The following MAST4 variants were observed in gnomAD, a reference collection of about 807,000 sequenced individuals.
MAST4 encodes the protein microtubule-associated serine/threonine-protein kinase 4.
MAST4 carries 89 observed loss-of-function variants against 162.7 expected under a neutral mutation model. The ratio of observed to expected loss-of-function variants is 0.55; its 90% confidence interval spans 0.46 to 0.65. MAST4 has a LOEUF of 0.65. MAST4 is among the 30% of genes least tolerant of loss of function. The pLI, the probability that MAST4 is intolerant of heterozygous loss-of-function variation, is 0.00. For missense variants in MAST4, 3,153 were observed against 3,374.0 expected, an observed-to-expected ratio of 0.93 and a Z score of 1.62; for synonymous variants, 1,479 against 1,361.1, an observed-to-expected ratio of 1.09 and a Z score of -1.91.
chr5:67,141,470 A>G (rs1243954076), intron 19 of MAST4, among the ~76,000 whole-genome samples: 1 of 152,114 alleles, frequency 6.6e-6, no homozygotes, highest in East Asian at 1.9e-4. Context: ...TGAATTGAAA[A>G]CATTTCACTG....
At chr5:66,850,844 A>G (rs1026830069) in intron 3 of MAST4, among the ~76,000 whole-genome samples, 3 of 151,880 alleles carry the variant, frequency 2.0e-5, no homozygotes, top group Non-Finnish European at 2.9e-5. Context: ...TCCATTTCAG[A>G]GTGTTCATTA....
At chr5:66,818,441 AC>A (rs1756833961) in intron 3 of MAST4, among the ~76,000 whole-genome samples, 1 of 151,896 alleles carries the variant, frequency 6.6e-6, no homozygotes, top group African/African-American at 2.4e-5. Flanking sequence ...AAAAAAAAAA[AC>A]AGAACAGATT....
At chr5:66,819,394 T>C (rs925919178) in intron 3 of MAST4, among the ~76,000 whole-genome samples, 1 of 152,202 alleles carries the variant, frequency 6.6e-6, no homozygotes, top group Non-Finnish European at 1.5e-5. Context: ...GTGAAGCTTG[T>C]GGTCAAAATC....
At chr5:67,138,248 A>C (rs1398299633) in intron 19 of MAST4, among the ~76,000 whole-genome samples, 3 of 152,210 alleles carry the variant, frequency 2.0e-5, no homozygotes, top group African/African-American at 7.2e-5. Flanking sequence ...ATTCTGCTGG[A>C]TGGCTTTTTA....
At chr5:66,747,852 A>G (rs1752864097) in intron 1 of MAST4, among the ~76,000 whole-genome samples, 1 of 152,200 alleles carries the variant, frequency 6.6e-6, no homozygotes, top group South Asian at 2.1e-4. Flanking sequence ...AGTTGTGACA[A>G]CCAAAAATGG....
chr5:66,753,070 G>T (rs1391740617), intron 1 of MAST4, among the ~76,000 whole-genome samples: 44 of 151,004 alleles, frequency 2.9e-4, no homozygotes, highest in East Asian at 9.7e-4. Context: ...ATAACGAAAT[G>T]AAGGCAGAAA....
intron 5 of MAST4, among the ~76,000 whole-genome samples, chr5:67,074,493 A>G (rs1008018159): frequency 1.3e-5 from 2 of 152,184 alleles, no homozygotes; most frequent in Non-Finnish European, 2.9e-5. Context: ...ATATTTTAGG[A>G]TGTTAATTGC....
At chr5:66,822,216 C>A (rs1012352338) in intron 3 of MAST4, among the ~76,000 whole-genome samples, 4 of 152,122 alleles carry the variant, frequency 2.6e-5, no homozygotes, top group Non-Finnish European at 5.9e-5. Flanking sequence ...GAAATCAAGG[C>A]AGATGTCAGA....
At chr5:66,921,324 G>C (rs966754674) in intron 4 of MAST4, among the ~76,000 whole-genome samples, 2 of 152,136 alleles carry the variant, frequency 1.3e-5, no homozygotes, top group African/African-American at 2.4e-5. Flanking sequence ...CTCCATAAAG[G>C]CCGGGGACAT....
At chr5:66,734,351 C>T (rs915546075) in intron 1 of MAST4, among the ~76,000 whole-genome samples, 1 of 152,176 alleles carries the variant, frequency 6.6e-6, no homozygotes, top group Non-Finnish European at 1.5e-5. Context: ...AGAACTTCCA[C>T]TGGTTTGGAA....
chr5:66,766,342 A>G (rs984670317), intron 2 of MAST4, among the ~76,000 whole-genome samples: 2 of 152,184 alleles, frequency 1.3e-5, no homozygotes, highest in African/African-American at 4.8e-5. Context: ...ATATATGTGT[A>G]TAACATGCAC....
chr5:66,939,821 CT>C (rs1040419468), intron 4 of MAST4, among the ~76,000 whole-genome samples: 1 of 151,994 alleles, frequency 6.6e-6, no homozygotes, highest in Non-Finnish European at 1.5e-5. Flanking sequence ...CAGCACACAA[CT>C]TTTTTGATTT....
At chr5:66,915,139 A>G (rs569854308) in intron 4 of MAST4, among the ~76,000 whole-genome samples, 2 of 152,056 alleles carry the variant, frequency 1.3e-5, no homozygotes, top group East Asian at 1.9e-4. Context: ...GGTGGCACAC[A>G]CTTGTAATCC....
chr5:66,660,315 G>A (rs1281290092), intron 1 of MAST4, among the ~76,000 whole-genome samples: 1 of 152,166 alleles, frequency 6.6e-6, no homozygotes, highest in East Asian at 1.9e-4. Flanking sequence ...TTGAACCCAG[G>A]AGGCAGAGGT....
chr5:67,041,508 A>C (rs1048523339), intron 4 of MAST4, among the ~76,000 whole-genome samples: 8 of 152,172 alleles, frequency 5.3e-5, no homozygotes, highest in Non-Finnish European at 1.2e-4. Context: ...CCACAACATC[A>C]AGTACTCTAG....
chr5:67,105,216 C>G (rs1581577491), intron 10 of MAST4, among the ~76,000 whole-genome samples: 1 of 152,098 alleles, frequency 6.6e-6, no homozygotes, highest in East Asian at 1.9e-4. Context: ...TGAAATTGAC[C>G]AGCCACAGCC....
At chr5:67,124,599 T>C (rs1380629435) in intron 14 of MAST4, among the ~76,000 whole-genome samples, 1 of 151,942 alleles carries the variant, frequency 6.6e-6, no homozygotes, top group Non-Finnish European at 1.5e-5. Context: ...ACAAAAAAAA[T>C]CCACCCACAA....
chr5:66,806,541 G>T (rs1434581749), intron 3 of MAST4, among the ~76,000 whole-genome samples: 1 of 152,166 alleles, frequency 6.6e-6, no homozygotes, highest in African/African-American at 2.4e-5. Flanking sequence ...TGTTGATCAG[G>T]TAGAACTTAA....
intron 4 of MAST4, among the ~76,000 whole-genome samples, chr5:66,901,473 A>T (rs1763007957): frequency 6.6e-6 from 1 of 152,140 alleles, no homozygotes; most frequent in Non-Finnish European, 1.5e-5. Flanking sequence ...TTGTGAAAAT[A>T]TGTGATAAGG....
Sources: gnomAD v4.1 joint callset for allele counts (sites outside exome capture counted in the v4.1 genomes callset) on GRCh38, gnomAD v4.1.1 for gene constraint, MANE v1.5 for transcripts, NCBI Gene and HGNC (gene_info 2026-07-23, HGNC 2026-07-21) for gene names.